Variants in PDE1B observed in about 807,000 individuals in gnomAD.
The protein encoded by PDE1B is phosphodiesterase 1B.
Under a neutral mutation model 66.7 loss-of-function variants are expected in PDE1B, and 13 were observed. That is an observed-to-expected ratio of 0.19 (90% CI 0.13 to 0.31). The LOEUF (loss-of-function observed/expected upper bound fraction) is 0.31. Ranked by LOEUF, PDE1B falls within the 10% of genes least tolerant of loss-of-function variation. The pLI is 1.00. For synonymous variants in PDE1B, 230 were observed against 253.9 expected (o/e 0.91, Z 0.90); for missense variants, 485 against 682.3 (o/e 0.71, Z 3.22).
chr12:54,570,548 T>C lies in PDE1B; in HGVS notation c.594+191T>C, dbSNP rs1957597772. On this transcript the variant is annotated intron_variant, in intron 6 of 15. Coordinates refer to ENST00000243052, the MANE Select transcript of PDE1B (RefSeq NM_000924.4). ...CAGTCTTAGTTCCAGACTTCATTAATTGATTTCTAGGGGGAGATTCTCGGT... is the reference window on the plus strand; with the variant it reads ...CAGTCTTAGTTCCAGACTTCATTAACTGATTTCTAGGGGGAGATTCTCGGT... 3 of 573,262 alleles carry C rather than the reference T, an allele frequency of 5.2e-6. No individual in the cohort carries two copies. The South Asian group carries it at 6.5e-5, about 12-fold the overall frequency. 35.5% of individuals were successfully genotyped at this position (573,262 alleles called of 1,614,324 possible). A position where few individuals can be genotyped will look rare whatever the true frequency, so the allele number is the denominator to read the frequency against.
rs779976284 is a variant in PDE1B at position 54,570,293 on chromosome 12, A to G, written c.530A>G (p.Asp177Gly). ...TTTTCCTTGAACCAGGCAGCAGATGACCATGCCCTGAGGACCATTGTTTTT... is the reference window on the plus strand; with the variant it reads ...TTTTCCTTGAACCAGGCAGCAGATGGCCATGCCCTGAGGACCATTGTTTTT... ...DVFSLNQAAD[D>G]HALRTIVFEL... Residue 177 changes from aspartate to glycine, a missense_variant, in exon 6 of 16, where the codon GAC becomes GGC. Asp to Gly is a moderately conservative substitution (Grantham distance 94, BLOSUM62 -1). Coordinates refer to ENST00000243052, the MANE Select transcript of PDE1B (RefSeq NM_000924.4). The G allele has an allele frequency of 1.9e-6, 3 of 1,613,942 alleles. No homozygotes were observed. Among genetic ancestry groups the G allele is most frequent in the South Asian group, 2.2e-5 (2 of 91,078 alleles).
Position 54,575,666 on chromosome 12 carries a change from G to A in PDE1B, c.1267+34G>A. 4 of 1,438,376 alleles carry A rather than the reference G, an allele frequency of 2.8e-6. No individual in the cohort carries two copies. Among genetic ancestry groups the A allele is most frequent in the Non-Finnish European group, 3.9e-6 (4 of 1,024,680 alleles). The allele number at this position is 1,438,376 out of a possible 1,614,324, so 89.1% of individuals were successfully genotyped here. A position where few individuals can be genotyped will look rare whatever the true frequency, so the allele number is the denominator to read the frequency against. ...CCTCTCCTGCAGGAAGGGGAGGACT[G>A]GGAGGGGGAAAAGATGCTGCCTGGG... On this transcript the variant is annotated intron_variant, in intron 12 of 15. Coordinates refer to ENST00000243052, the MANE Select transcript of PDE1B (RefSeq NM_000924.4). This position sits in a 1 kb window ranked among gnomAD's most constrained non-coding sequence, Gnocchi z 4.0.
chr12:54,558,623 C>G (rs1957369574), intron 2 of PDE1B, among the ~76,000 whole-genome samples: 1 of 152,184 alleles, frequency 6.6e-6, no homozygotes, highest in Non-Finnish European at 1.5e-5. Context: ...TCTACATACT[C>G]TGCAGCCTCT....
At position 54,569,082 on chromosome 12, in the gene PDE1B, G is replaced by A. The variant is rs749720855; in HGVS notation, c.228-102G>A. ...GAAACAGGGTTGAAGACAGAGAGCTGGCATGAGAGTTACTAAATGTGGGGT... is the reference window on the plus strand; with the variant it reads ...GAAACAGGGTTGAAGACAGAGAGCTAGCATGAGAGTTACTAAATGTGGGGT... On this transcript the variant is annotated intron_variant, in intron 3 of 15. Transcript: ENST00000243052. This position sits in a 1 kb window ranked among gnomAD's most constrained non-coding sequence, Gnocchi z 4.4. 1.4e-5 allele frequency: 20 copies of A among 1,480,672 alleles called. No individual in the cohort carries two copies. The highest frequency in any genetic ancestry group is 1.6e-5 in the Non-Finnish European group (18 of 1,114,826). 91.7% of individuals were successfully genotyped at this position (1,480,672 alleles called of 1,614,324 possible).
chr12:54,575,063 T>G lies in PDE1B; in HGVS notation c.1065-35T>G. The stretch of plus-strand genomic sequence containing the variant: ...GTCCTAACTTCCTTTTCCTAAAAGA[T>G]CAGTCTCCCTTCCCTTGCCATCTGC... On this transcript the variant is annotated intron_variant, in intron 10 of 15. Coordinates refer to ENST00000243052, the MANE Select transcript of PDE1B (RefSeq NM_000924.4). The surrounding 1 kb of genome is among the most constrained non-coding windows in gnomAD (Gnocchi z 4.0). The G allele has an allele frequency of 6.3e-7, 1 of 1,598,276 alleles. No individual in the cohort carries two copies. The highest frequency in any genetic ancestry group is 8.6e-7 in the Non-Finnish European group (1 of 1,169,020).
intron 15 of PDE1B, 90 bp downstream of exon 15, chr12:54,577,435 T>C (rs1287288782): frequency 1.9e-6 from 3 of 1,607,568 alleles, no homozygotes; most frequent in Non-Finnish European, 2.5e-6. Context: ...GGATGCGACA[T>C]TCTCTCTCCC....
rs1288218022 is a variant in PDE1B, at chr12:54,576,719, G to A, written c.1507+18G>A. 6.3e-7 allele frequency: 1 copy of A among 1,588,250 alleles called. No homozygotes were observed. The highest frequency in any genetic ancestry group is 1.3e-5 in the African/African-American group (1 of 74,442). Reference sequence around the variant, plus strand: ...AGCAAGTGGTGGGTACCATGGCAGAGGGCAGGGGTGAGAACTTGTGTGGGT... The same window carrying A: ...AGCAAGTGGTGGGTACCATGGCAGAAGGCAGGGGTGAGAACTTGTGTGGGT... On this transcript the variant is annotated intron_variant, in intron 14 of 15. Coordinates refer to ENST00000243052, the MANE Select transcript of PDE1B (RefSeq NM_000924.4).
In PDE1B at chr12:54,575,765, G is replaced by A; in HGVS notation, c.1267+133G>A. The A allele has an allele frequency of 1.3e-6, 1 of 787,692 alleles. No homozygotes were observed. The highest frequency in any genetic ancestry group is 2.2e-6 in the Non-Finnish European group (1 of 460,112). 48.8% of individuals were successfully genotyped at this position (787,692 alleles called of 1,614,324 possible). ...AGGAAAGCCTACTGTGCTAGAGCATGGGGTCCTGGGTTAGGAGGCCAGGGG... is the reference window on the plus strand; with the variant it reads ...AGGAAAGCCTACTGTGCTAGAGCATAGGGTCCTGGGTTAGGAGGCCAGGGG... On this transcript the variant is annotated intron_variant, in intron 12 of 15. Transcript: ENST00000243052. The surrounding 1 kb of genome is among the most constrained non-coding windows in gnomAD (Gnocchi z 4.0).
intron 15 of PDE1B, 196 bp downstream of exon 15, chr12:54,577,541 C>T (rs758641626): frequency 1.3e-6 from 2 of 1,551,176 alleles, no homozygotes; most frequent in East Asian, 2.2e-5. Context: ...GTCCCCCAGT[C>T]CCTGCAGGAA....
chr12:54,562,878 G>T (rs143304080), intron 2 of PDE1B, among the ~76,000 whole-genome samples: 1 of 152,236 alleles, frequency 6.6e-6, no homozygotes, highest in African/African-American at 2.4e-5. Flanking sequence ...TCTGGATTGT[G>T]TTTGGTTCAG....
At chr12:54,556,843 G>T (rs1957347625) in intron 2 of PDE1B, among the ~76,000 whole-genome samples, 1 of 148,640 alleles carries the variant, frequency 6.7e-6, no homozygotes, top group Non-Finnish European at 1.5e-5. Context: ...CACCATTTAG[G>T]TTGGGAAGGG....
At position 54,569,381 on chromosome 12, in the gene PDE1B, C is replaced by T; in HGVS notation, c.410+15C>T. 6.3e-7 allele frequency: 1 copy of T among 1,595,558 alleles called. No homozygotes were observed. Among genetic ancestry groups the T allele is most frequent in the Non-Finnish European group, 8.6e-7 (1 of 1,168,192 alleles). On this transcript the variant is annotated intron_variant, in intron 4 of 15. Transcript: ENST00000243052. The surrounding 1 kb of genome is among the most constrained non-coding windows in gnomAD (Gnocchi z 4.4). ...TTCGTGGAACGGTGAGGCTCGCCCA[C>T]ACTCAGCCTCCCTCTGCCTTTAGCT...
At position 54,569,638 on chromosome 12, in the gene PDE1B, G is replaced by A. The variant is rs966585383; in HGVS notation, c.477+26G>A. The A allele has an allele frequency of 9.6e-6, 15 of 1,557,780 alleles. No individual in the cohort carries two copies. The highest frequency in any genetic ancestry group is 1.7e-5 in the Admixed American group (1 of 59,914). ...GTAATCTCTGGGTTTTTGGGAAAGAGGAGAAAGTTAGGGGATGGAATAGCC... is the reference window on the plus strand; with the variant it reads ...GTAATCTCTGGGTTTTTGGGAAAGAAGAGAAAGTTAGGGGATGGAATAGCC... On this transcript the variant is annotated intron_variant, in intron 5 of 15. Transcript: ENST00000243052. The surrounding 1 kb of genome is among the most constrained non-coding windows in gnomAD (Gnocchi z 4.4).
At position 54,579,125 on chromosome 12, in the gene PDE1B, TG is replaced by T; in HGVS notation, c.*1285del. 2.8e-6 allele frequency: 1 copy of T among 350,898 alleles called. No individual in the cohort carries two copies. The highest frequency in any genetic ancestry group is 4.0e-6 in the Non-Finnish European group (1 of 250,180). 21.7% of individuals were successfully genotyped at this position (350,898 alleles called of 1,614,324 possible). A position where few individuals can be genotyped will look rare whatever the true frequency, so the allele number is the denominator to read the frequency against. ...CCATGGTCTCCTAGACCTGCTACCC[TG>T]GTACTTCCACCCTACCCCACCCCGA... On this transcript the variant is annotated 3_prime_UTR_variant, in exon 16 of 16. Coordinates refer to ENST00000243052, the MANE Select transcript of PDE1B (RefSeq NM_000924.4).
rs187069922 is a variant in PDE1B at position 54,577,814 on chromosome 12, G to A, written c.*18-46G>A. The A allele has an allele frequency of 8.1e-6, 3 of 372,076 alleles. No homozygotes were observed. The East Asian group carries it at 1.3e-4, about 16-fold the overall frequency. 23.0% of individuals were successfully genotyped at this position (372,076 alleles called of 1,614,324 possible). A position where few individuals can be genotyped will look rare whatever the true frequency, so the allele number is the denominator to read the frequency against. On this transcript the variant is annotated intron_variant, in intron 15 of 15. Coordinates refer to ENST00000243052, the MANE Select transcript of PDE1B (RefSeq NM_000924.4). ...TTGGAGAAGGAAGGTCAGGTTGGAGGTGAAGGCAAAGCTCAGGGCACTGAA... is the reference window on the plus strand; with the variant it reads ...TTGGAGAAGGAAGGTCAGGTTGGAGATGAAGGCAAAGCTCAGGGCACTGAA...
chr12:54,572,481 G>A, intron 6 of PDE1B, 120 bp from the exon 7 acceptor site: 1 of 937,486 alleles, frequency 1.1e-6, no homozygotes, highest in South Asian at 1.5e-5. Context: ...CACCTAACTA[G>A]GTTCTGTGCT....
intron 7 of PDE1B, 39 bp downstream of exon 7, chr12:54,572,780 C>T: frequency 6.3e-7 from 1 of 1,599,676 alleles, no homozygotes; most frequent in Non-Finnish European, 8.6e-7. Context: ...GATTCAGGGC[C>T]TATGGCTACA....
rs910848473 is a variant in PDE1B at position 54,566,404 on chromosome 12, C to T, written c.114-570C>T. ...TTTGCCTGCATGGAGAGAGGCCAGG[C>T]GAAAGCATTCAGATTTGTCTTTGTT... On this transcript the variant is annotated intron_variant, in intron 2 of 15. Transcript: ENST00000243052. 4.6e-5 allele frequency among the ~76,000 whole-genome samples: 7 copies of T among 152,272 alleles called. No homozygotes were observed. In the East Asian group the frequency reaches 9.6e-4, roughly 21 times the overall value.
intron 2 of PDE1B, among the ~76,000 whole-genome samples, chr12:54,555,715 C>T (rs1331021583): frequency 6.6e-6 from 1 of 152,032 alleles, no homozygotes; most frequent in Non-Finnish European, 1.5e-5. Context: ...AATTTGTGTC[C>T]AACTCCTCTG....
Sources: allele counts gnomAD v4.1 joint callset (sites outside exome capture counted in the v4.1 genomes callset), GRCh38; gene constraint gnomAD v4.1.1; non-coding constraint Gnocchi (gnomAD v3.1); transcripts MANE v1.5; gene names NCBI Gene and HGNC (gene_info 2026-07-23, HGNC 2026-07-21).